The following L3MBTL3 variants were observed in gnomAD, a reference collection of about 807,000 sequenced individuals.
L3MBTL3 encodes the protein L3MBTL histone methyl-lysine binding protein 3.
L3MBTL3 carries 27 observed loss-of-function variants against 102.3 expected under a neutral mutation model. The observed-to-expected ratio is 0.26, with a 90% CI of 0.19 to 0.36. The LOEUF is 0.36. L3MBTL3 is among the 10% of genes least tolerant of loss of function. The pLI is 1.00. For synonymous variants in L3MBTL3, 340 were observed against 320.9 expected (o/e 1.06, Z -0.64); for missense variants, 798 against 955.3 (o/e 0.84, Z 2.17).
chr6:130,057,593 A>T (rs1781591097), intron 9 of L3MBTL3, 96 bp downstream of exon 9: 1 of 1,027,498 alleles, frequency 9.7e-7, no homozygotes, highest in East Asian at 2.6e-5. Context: ...TTGACTTGGG[A>T]TCATTTTCTC....
intron 3 of L3MBTL3, among the ~76,000 whole-genome samples, chr6:130,048,758 C>G (rs540309442): frequency 1.3e-4 from 20 of 152,294 alleles, no homozygotes; most frequent in Admixed American, 1.2e-3. Context: ...TCTGTGCTCA[C>G]TTCTTGGATT....
intron 3 of L3MBTL3, among the ~76,000 whole-genome samples, chr6:130,047,675 T>G (rs1352208093): frequency 1.3e-5 from 2 of 152,234 alleles, no homozygotes; most frequent in Admixed American, 1.3e-4. Context: ...TTTTTGAATT[T>G]TAATTCAAAT....
chr6:130,019,468 G>C (rs1272727178), intron 1 of L3MBTL3: 4 of 152,052 alleles, frequency 2.6e-5, no homozygotes, highest in East Asian at 1.9e-4. Flanking sequence ...GTACAAGTAC[G>C]GGAGACCGAG....
chr6:130,113,636 A>T (rs1414905984), intron 19 of L3MBTL3, among the ~76,000 whole-genome samples: 1 of 152,262 alleles, frequency 6.6e-6, no homozygotes, highest in Non-Finnish European at 1.5e-5. Context: ...GGCAGAAATC[A>T]GTCTGTTCAG....
intron 19 of L3MBTL3, among the ~76,000 whole-genome samples, chr6:130,114,274 C>T (rs993074074): frequency 1.3e-5 from 2 of 152,160 alleles, no homozygotes; most frequent in African/African-American, 4.8e-5. Context: ...GATAAGATGA[C>T]TGTGTTATTG....
intron 2 of L3MBTL3, among the ~76,000 whole-genome samples, chr6:130,035,139 A>G (rs1779973307): frequency 6.6e-6 from 1 of 152,076 alleles, no homozygotes; most frequent in Non-Finnish European, 1.5e-5. Context: ...GGATTTAAAA[A>G]CTCATTTTTA....
chr6:130,139,560 A>C, intron 22 of L3MBTL3, 50 bp from the exon 23 acceptor site: 1 of 1,557,238 alleles, frequency 6.4e-7, no homozygotes, highest in Non-Finnish European at 8.8e-7. Flanking sequence ...ATTTTCTACA[A>C]CACTGCATCT....
At chr6:130,086,089 T>G (rs1445081191) in intron 15 of L3MBTL3, 51 bp from the exon 16 acceptor site, 4 of 1,210,410 alleles carry the variant, frequency 3.3e-6, no homozygotes, top group Non-Finnish European at 4.9e-6. Context: ...AACATCAAGT[T>G]TACCTTCTCT....
At chr6:130,110,512 T>C (rs888616879) in intron 19 of L3MBTL3, among the ~76,000 whole-genome samples, 3 of 152,208 alleles carry the variant, frequency 2.0e-5, no homozygotes, top group African/African-American at 7.2e-5. Context: ...TATTGGTGTA[T>C]AGGAATGCTT....
intron 13 of L3MBTL3, among the ~76,000 whole-genome samples, chr6:130,074,052 G>A (rs1782797005): frequency 6.6e-6 from 1 of 152,128 alleles, no homozygotes; most frequent in Admixed American, 6.6e-5. Flanking sequence ...TTGAATTTTG[G>A]AATGGTTTTT....
chr6:130,105,595 C>T (rs1054211366), intron 19 of L3MBTL3, among the ~76,000 whole-genome samples: 7 of 130,680 alleles, frequency 5.4e-5, no homozygotes, highest in African/African-American at 8.7e-5. Context: ...GCACTTCAGC[C>T]TGGGTGACAG....
chr6:130,131,640 G>A (rs1787055887), intron 20 of L3MBTL3, among the ~76,000 whole-genome samples: 1 of 152,152 alleles, frequency 6.6e-6, no homozygotes, highest in African/African-American at 2.4e-5. Context: ...GGAAAGGAAA[G>A]GAATAAAGAA....
At chr6:130,061,826 C>T (rs1290555745) in intron 10 of L3MBTL3, among the ~76,000 whole-genome samples, 2 of 152,010 alleles carry the variant, frequency 1.3e-5, no homozygotes, top group Non-Finnish European at 2.9e-5. Flanking sequence ...AGAGCAGGAT[C>T]CTGAAAAGGA....
At chr6:130,068,967 A>T (rs1293697275) in intron 12 of L3MBTL3, among the ~76,000 whole-genome samples, 4 of 152,176 alleles carry the variant, frequency 2.6e-5, no homozygotes, top group Non-Finnish European at 5.9e-5. Flanking sequence ...TCTTTTCCCA[A>T]GTTCTGATCT....
At chr6:130,110,490 CTGTT>C (rs1226282333) in intron 19 of L3MBTL3, among the ~76,000 whole-genome samples, 6 of 152,284 alleles carry the variant, frequency 3.9e-5, no homozygotes, top group East Asian at 1.9e-4. Context: ...ATTTGACTCT[CTGTT>C]TGTCTATTAT....
intron 20 of L3MBTL3, among the ~76,000 whole-genome samples, chr6:130,127,156 G>A (rs1345202492): frequency 2.0e-5 from 3 of 152,206 alleles, no homozygotes; most frequent in African/African-American, 7.2e-5. Flanking sequence ...TAGATGAAAA[G>A]TCTCTCTGAG....
Position 130,092,752 on chromosome 6 carries a change from T to G in L3MBTL3, c.1526T>G (p.Phe509Cys). The G allele has an allele frequency of 6.2e-7, 1 of 1,608,132 alleles. No individual in the cohort carries two copies. The highest frequency in any genetic ancestry group is 8.5e-7 in the Non-Finnish European group (1 of 1,174,784). The change falls in exon 17 of 23, where the codon TTT becomes TGT. Residue 509 changes from phenylalanine to cysteine, a missense_variant. Coordinates refer to ENST00000361794, the MANE Select transcript of L3MBTL3 (RefSeq NM_032438.4). ...DTDDHRVKVH[F>C]DGWNNCYDYW... ...TGTCCTTGTGTCATCCAGGTTCACT[T>G]TGATGGCTGGAACAATTGCTATGAT...
chr6:130,049,842 T>C lies in L3MBTL3; in HGVS notation c.289+12T>C. 3 of 1,606,334 alleles carry C rather than the reference T, an allele frequency of 1.9e-6. No homozygotes were observed. The highest frequency in any genetic ancestry group is 2.2e-5 in the South Asian group (2 of 89,924). ...TGGATGTCCCACAGGTACCTCAAAC[T>C]CCACATGTCTGAAATGCAATTCATT... is the stretch of plus-strand genomic sequence containing the variant. On this transcript the variant is annotated intron_variant, in intron 5 of 22. Transcript: ENST00000361794.
chr6:130,031,592 G>A (rs559728798), intron 2 of L3MBTL3, among the ~76,000 whole-genome samples: 1 of 152,326 alleles, frequency 6.6e-6, no homozygotes, highest in East Asian at 1.9e-4. Context: ...GTTTTGGGGA[G>A]CAGACTTTGT....
Sources: allele counts gnomAD v4.1 joint callset (sites outside exome capture counted in the v4.1 genomes callset), GRCh38; gene constraint gnomAD v4.1.1; transcripts MANE v1.5; gene names NCBI Gene and HGNC (gene_info 2026-07-23, HGNC 2026-07-21).